ENPP3: variants seen among roughly 807,000 people sequenced by gnomAD.
The protein encoded by ENPP3 is ectonucleotide pyrophosphatase/phosphodiesterase family member 3.
ENPP3 carries 104 observed loss-of-function variants against 117.8 expected under a neutral mutation model. That is an observed-to-expected ratio of 0.88 (90% confidence interval 0.75 to 1.04). The LOEUF (loss-of-function observed/expected upper bound fraction) is 1.04, where lower values mean the gene tolerates loss of function less well. Ranked by LOEUF, ENPP3 falls within the 50% of genes least tolerant of loss-of-function variation. ENPP3 has a pLI of 0.00. For missense variants in ENPP3, 1,026 were observed against 1,051.9 expected (o/e 0.98, Z 0.34); for synonymous variants, 380 against 349.9 (o/e 1.09, Z -0.96).
At chr6:131,693,240 G>GCA (rs1286302533) in intron 14 of ENPP3, among the ~76,000 whole-genome samples, 1 of 151,540 alleles carries the variant, frequency 6.6e-6, no homozygotes. Flanking sequence ...GCAATGGGGT[G>GCA]ATCTTGGCTC....
chr6:131,676,934 A>G (rs1778881708), intron 10 of ENPP3, 133 bp downstream of exon 10: 1 of 609,736 alleles, frequency 1.6e-6, no homozygotes, highest in African/African-American at 1.9e-5. Context: ...TATAATGGAC[A>G]CTTTTCATGA....
chr6:131,657,693 A>G (rs1735192412), intron 5 of ENPP3, among the ~76,000 whole-genome samples: 1 of 152,224 alleles, frequency 6.6e-6, no homozygotes, highest in Non-Finnish European at 1.5e-5. Context: ...ATGCTGTTGG[A>G]AATCAAGATA....
chr6:131,746,470 A>G (rs1248187920), intron 24 of ENPP3, among the ~76,000 whole-genome samples: 3 of 152,182 alleles, frequency 2.0e-5, no homozygotes, highest in Admixed American at 6.5e-5. Flanking sequence ...TCACCCTGAT[A>G]TAAAGATGTT....
At chr6:131,685,079 C>T (rs1233868323) in intron 12 of ENPP3, among the ~76,000 whole-genome samples, 1 of 152,132 alleles carries the variant, frequency 6.6e-6, no homozygotes, top group Non-Finnish European at 1.5e-5. Context: ...CCACGGAGCA[C>T]AGCCGAAATA....
chr6:131,696,365 T>G (rs1370097676), intron 15 of ENPP3, among the ~76,000 whole-genome samples: 1 of 152,192 alleles, frequency 6.6e-6, no homozygotes, highest in Non-Finnish European at 1.5e-5. Flanking sequence ...ACTATTGCAC[T>G]AGAACCACGT....
chr6:131,677,697 A>G (rs899444626), intron 10 of ENPP3, among the ~76,000 whole-genome samples, 171 bp from the exon 11 acceptor site: 1 of 152,150 alleles, frequency 6.6e-6, no homozygotes, highest in Non-Finnish European at 1.5e-5. Context: ...CCCGTTAGGA[A>G]ACCTATCCTT....
At chr6:131,696,566 G>A (rs1779409861) in intron 15 of ENPP3, among the ~76,000 whole-genome samples, 1 of 152,192 alleles carries the variant, frequency 6.6e-6, no homozygotes, top group Admixed American at 6.5e-5. Context: ...CCAACAAGGT[G>A]AGTGGGAGTG....
rs772035868 is a variant in ENPP3, at chr6:131,717,349, GGGGTGTGTGTGTGTGTGTGTGT to G, written c.1413-1321_1413-1300del. Among the ~76,000 whole-genome samples, 52 of 127,018 alleles carry G rather than the reference GGGGTGTGTGTGTGTGTGTGTGT, an allele frequency of 4.1e-4. 3 individuals carry two copies. The Middle Eastern group carries it at 0.016, about 38-fold the overall frequency. The allele number at this position is 127,018 out of a possible 152,430, so 83.3% of individuals were successfully genotyped here. A position where few individuals can be genotyped will look rare whatever the true frequency, so the allele number is the denominator to read the frequency against. Reference sequence around the variant, plus strand: ...GTAAAAACAAACAGAAACCCTGCGGGGGGTGTGTGTGTGTGTGTGTGTGTGTGTGTGTGTGTGTGTGTGTGTG... The same window carrying G: ...GTAAAAACAAACAGAAACCCTGCGGGGTGTGTGTGTGTGTGTGTGTGTGTG... On this transcript the variant is annotated intron_variant, in intron 15 of 24. Transcript: ENST00000357639.
chr6:131,661,789 C>T (rs116188045), intron 6 of ENPP3, among the ~76,000 whole-genome samples: 1,775 of 152,236 alleles, frequency 0.012, 32 homozygotes, highest in African/African-American at 0.041. Flanking sequence ...TATATATTTT[C>T]GAAATTAACT....
At chr6:131,728,526 G>C (rs1440780094) in intron 20 of ENPP3, among the ~76,000 whole-genome samples, 1 of 152,158 alleles carries the variant, frequency 6.6e-6, no homozygotes, top group African/African-American at 2.4e-5. Context: ...CCTGTGACAG[G>C]ATGGAATTCT....
chr6:131,737,101 C>G (rs1173229449), intron 21 of ENPP3, among the ~76,000 whole-genome samples: 2 of 152,154 alleles, frequency 1.3e-5, no homozygotes, highest in Non-Finnish European at 2.9e-5. Flanking sequence ...CTGCAAAGAC[C>G]TATTTCCAAA....
In ENPP3 at chr6:131,677,504, C is replaced by T. The variant is rs185804436; in HGVS notation, c.939-364C>T. Among the ~76,000 whole-genome samples the T allele has an allele frequency of 5.4e-3, 829 of 152,244 alleles. 4 individuals carry two copies. Among genetic ancestry groups the T allele is most frequent in the Non-Finnish European group, 9.5e-3 (649 of 68,020 alleles). On this transcript the variant is annotated intron_variant, in intron 10 of 24. Transcript: ENST00000357639. ...AATCAGGAGCTCCAGGTAAACAGTG[C>T]ATCAGAAACCAGACACCAGAAGAAA...
At chr6:131,690,512 T>G (rs1408039830) in intron 14 of ENPP3, among the ~76,000 whole-genome samples, 1 of 152,230 alleles carries the variant, frequency 6.6e-6, no homozygotes, top group Non-Finnish European at 1.5e-5. Context: ...GTTGCACACT[T>G]AAAAGATTAC....
chr6:131,738,064 T>C lies in ENPP3; in HGVS notation c.2201T>C (p.Ile734Thr). ...MWDYFHSVLL[I>T]KHATERNGVN... ...GACTACTTCCACAGTGTTCTTCTTA[T>C]AAAACATGCCACAGAAAGAAATGGA... The change falls in exon 23 of 25, where the codon ATA becomes ACA. Residue 734 changes from isoleucine (I) to threonine (T), a missense_variant. Transcript: ENST00000357639. 2 of 1,607,046 alleles carry C rather than the reference T, an allele frequency of 1.2e-6. No individual in the cohort carries two copies. Among genetic ancestry groups the C allele is most frequent in the Non-Finnish European group, 1.7e-6 (2 of 1,175,200 alleles).
chr6:131,737,299 C>T, intron 21 of ENPP3, 56 bp from the exon 22 acceptor site: 2 of 1,004,228 alleles, frequency 2.0e-6, no homozygotes, highest in Non-Finnish European at 1.6e-6. Context: ...GCCTGTTGTG[C>T]AGTATGTCAT....
intron 3 of ENPP3, 59 bp downstream of exon 3, chr6:131,650,208 C>A: frequency 6.3e-7 from 1 of 1,586,040 alleles, no homozygotes; most frequent in East Asian, 2.2e-5. Flanking sequence ...TAATACATGT[C>A]AAATTTTTTT....
chr6:131,730,108 A>G (rs1780243947), intron 20 of ENPP3, among the ~76,000 whole-genome samples: 1 of 152,218 alleles, frequency 6.6e-6, no homozygotes, highest in South Asian at 2.1e-4. Context: ...TTAGGGCTAC[A>G]TTTATATACT....
chr6:131,731,454 T>G (rs1780278484), intron 20 of ENPP3, among the ~76,000 whole-genome samples: 1 of 152,216 alleles, frequency 6.6e-6, no homozygotes, highest in African/African-American at 2.4e-5. Context: ...TCAGGCTAAA[T>G]GGGCAATGAG....
chr6:131,685,787 A>C, intron 13 of ENPP3, 89 bp from the exon 14 acceptor site: 1 of 679,644 alleles, frequency 1.5e-6, no homozygotes, highest in Non-Finnish European at 2.7e-6. Flanking sequence ...TAATAAGTGA[A>C]TGTATCAAAT....
Sources: gnomAD v4.1 joint callset for allele counts (sites outside exome capture counted in the v4.1 genomes callset) on GRCh38, gnomAD v4.1.1 for gene constraint, MANE v1.5 for transcripts, NCBI Gene and HGNC (gene_info 2026-07-23, HGNC 2026-07-21) for gene names.